CDH13: variants seen among roughly 807,000 people sequenced by gnomAD.
CDH13 encodes the protein cadherin 13, also known as cadherin-13.
CDH13 carries 24 observed loss-of-function variants against 63.8 expected under a neutral mutation model. The ratio of observed to expected loss-of-function variants is 0.38; its 90% CI spans 0.27 to 0.53. The LOEUF (loss-of-function observed/expected upper bound fraction) is 0.53, where lower values mean the gene tolerates loss of function less well. Ranked by LOEUF, CDH13 falls within the 20% of genes least tolerant of loss-of-function variation. The pLI, the probability that CDH13 is intolerant of heterozygous loss-of-function variation, is 0.85. For missense variants in CDH13, 1,049 were observed against 903.1 expected (o/e 1.16, Z -2.07); for synonymous variants, 503 against 355.3 (o/e 1.42, Z -4.67).
At chr16:83,263,940 A>C (rs557598533) in intron 5 of CDH13, among the ~76,000 whole-genome samples, 2 of 152,338 alleles carry the variant, frequency 1.3e-5, no homozygotes, top group African/African-American at 4.8e-5. Flanking sequence ...GCAGAGACTC[A>C]ATTTAACACT....
chr16:83,479,011 G>A (rs183980171), intron 6 of CDH13, among the ~76,000 whole-genome samples: 149 of 152,204 alleles, frequency 9.8e-4, no homozygotes, highest in Non-Finnish European at 1.6e-3. Flanking sequence ...CCTGCCAAAC[G>A]TGGGCTGCCT....
chr16:82,716,063 C>G (rs1754134999), intron 1 of CDH13, among the ~76,000 whole-genome samples: 1 of 152,202 alleles, frequency 6.6e-6, no homozygotes, highest in Non-Finnish European at 1.5e-5. Context: ...AGGAAATGAC[C>G]TTCCAGGCAT....
intron 11 of CDH13, among the ~76,000 whole-genome samples, chr16:83,766,980 C>A (rs77939280): frequency 0.082 from 12,477 of 152,120 alleles, 600 homozygotes; most frequent in South Asian, 0.14. Flanking sequence ...TTCCTGAGGC[C>A]TCCCCAGCAA....
chr16:83,505,310 C>G (rs549106944), intron 7 of CDH13, among the ~76,000 whole-genome samples: 10 of 152,284 alleles, frequency 6.6e-5, no homozygotes, highest in Non-Finnish European at 7.4e-5. Flanking sequence ...CTATCCTCAC[C>G]TTAGTGTACG....
intron 7 of CDH13, among the ~76,000 whole-genome samples, chr16:83,514,535 C>G (rs1486128821): frequency 6.6e-6 from 1 of 152,168 alleles, no homozygotes; most frequent in East Asian, 1.9e-4. Flanking sequence ...GTCTAAGCTA[C>G]TCAGGAGGCT....
intron 6 of CDH13, among the ~76,000 whole-genome samples, chr16:83,425,192 C>A (rs755654874): frequency 1.1e-4 from 17 of 152,156 alleles, no homozygotes; most frequent in Non-Finnish European, 2.4e-4. Context: ...ACAGCTGGAA[C>A]GTAAATTGGA....
intron 10 of CDH13, among the ~76,000 whole-genome samples, chr16:83,694,181 G>A (rs535301321): frequency 1.4e-4 from 21 of 152,340 alleles, no homozygotes; most frequent in East Asian, 9.6e-4. Context: ...GGGAGGGAAG[G>A]AGGGATTAGG....
intron 4 of CDH13, among the ~76,000 whole-genome samples, chr16:83,176,793 C>A (rs541278595): frequency 3.9e-5 from 6 of 151,940 alleles, no homozygotes; most frequent in Non-Finnish European, 7.4e-5. Flanking sequence ...CCCTAAGGAC[C>A]CTTCTAATTC....
intron 10 of CDH13, among the ~76,000 whole-genome samples, chr16:83,695,844 G>A (rs1033736269): frequency 5.3e-5 from 8 of 152,088 alleles, no homozygotes; most frequent in Admixed American, 3.3e-4. Flanking sequence ...CGAACCTTTC[G>A]TGAGTGAAAG....
intron 8 of CDH13, among the ~76,000 whole-genome samples, chr16:83,668,623 A>G (rs866373196): frequency 2.6e-5 from 4 of 152,246 alleles, no homozygotes; most frequent in South Asian, 2.1e-4. Flanking sequence ...GACCGCAGCA[A>G]GAGGGTGAAG....
intron 5 of CDH13, among the ~76,000 whole-genome samples, chr16:83,338,669 C>G (rs2090654537): frequency 6.6e-6 from 1 of 152,142 alleles, no homozygotes; most frequent in South Asian, 2.1e-4. Context: ...ATATTTGGGC[C>G]AAGATCTGAA....
In CDH13 at chr16:83,789,350, TGTC is replaced by T. The variant is rs148783368; in HGVS notation, c.2135-5672_2135-5670del. Among the ~76,000 whole-genome samples, 77 of 143,692 alleles carry T rather than the reference TGTC, an allele frequency of 5.4e-4. 3 individuals carry two copies. The highest frequency in any genetic ancestry group is 1.0e-3 in the East Asian group (5 of 4,832). The allele number at this position is 143,692 out of a possible 152,430, so 94.3% of individuals were successfully genotyped here. A position where few individuals can be genotyped will look rare whatever the true frequency, so the allele number is the denominator to read the frequency against. ...ATTAGTAGCTTTCTTTTTTTTTGTTTGTCTGTTTTGTTTTAAGACTGAGTCTTG... is the reference window on the plus strand; with the variant it reads ...ATTAGTAGCTTTCTTTTTTTTTGTTTTGTTTTGTTTTAAGACTGAGTCTTG... On this transcript the variant is annotated intron_variant, in intron 13 of 13. Coordinates refer to ENST00000567109, the MANE Select transcript of CDH13 (RefSeq NM_001257.5).
chr16:83,201,758 A>C (rs546593127), intron 4 of CDH13, among the ~76,000 whole-genome samples: 62 of 151,084 alleles, frequency 4.1e-4, no homozygotes, highest in South Asian at 1.1e-3. Context: ...AAAAAAAAAA[A>C]CACAAAAAAT....
At chr16:83,124,693 G>GA (rs2035733960) in intron 3 of CDH13, among the ~76,000 whole-genome samples, 1 of 152,094 alleles carries the variant, frequency 6.6e-6, no homozygotes, top group Non-Finnish European at 1.5e-5. Context: ...TGTATATGGT[G>GA]AAAGCTGTGG....
chr16:83,332,476 A>C (rs1374045325), intron 5 of CDH13, among the ~76,000 whole-genome samples: 1 of 152,234 alleles, frequency 6.6e-6, no homozygotes, highest in Admixed American at 6.5e-5. Flanking sequence ...AACTTAAAAA[A>C]AAGGTATTGC....
chr16:83,120,114 A>T (rs1433639409), intron 3 of CDH13, among the ~76,000 whole-genome samples: 1 of 150,216 alleles, frequency 6.7e-6, no homozygotes, highest in Non-Finnish European at 1.5e-5. Flanking sequence ...TACAATCAAT[A>T]CCTCCAGCAG....
chr16:83,238,631 G>C (rs922402934), intron 5 of CDH13, among the ~76,000 whole-genome samples: 1 of 152,080 alleles, frequency 6.6e-6, no homozygotes, highest in African/African-American at 2.4e-5. Flanking sequence ...GTTGGTTCTG[G>C]GTAGGTTCTG....
chr16:83,327,522 A>T (rs1333857959), intron 5 of CDH13, among the ~76,000 whole-genome samples: 1 of 152,238 alleles, frequency 6.6e-6, no homozygotes, highest in Non-Finnish European at 1.5e-5. Context: ...CTACTGTTTG[A>T]AAGGCACTTG....
At chr16:82,722,815 A>G (rs1226367039) in intron 1 of CDH13, among the ~76,000 whole-genome samples, 1 of 152,112 alleles carries the variant, frequency 6.6e-6, no homozygotes, top group Non-Finnish European at 1.5e-5. Flanking sequence ...ACATACATAT[A>G]AGCCTTTTTC....
Sources: allele counts gnomAD v4.1 joint callset (sites outside exome capture counted in the v4.1 genomes callset), GRCh38; gene constraint gnomAD v4.1.1; transcripts MANE v1.5; gene names NCBI Gene and HGNC (gene_info 2026-07-23, HGNC 2026-07-21).